The following RUNX2 variants were observed in gnomAD, a reference collection of about 807,000 sequenced individuals.
The protein encoded by RUNX2 is runt-related transcription factor 2.
In RUNX2, 10 loss-of-function variants were observed where a neutral mutation model predicts 51.7. That is an observed-to-expected ratio of 0.19 (90% CI 0.12 to 0.33). RUNX2 has a LOEUF of 0.33. Ranked by LOEUF, RUNX2 falls within the 10% of genes least tolerant of loss-of-function variation. The pLI, the probability that RUNX2 is intolerant of heterozygous loss-of-function variation, is 1.00. For missense variants in RUNX2, 562 were observed against 691.3 expected (o/e 0.81, Z 2.10); for synonymous variants, 276 against 273.6 (o/e 1.01, Z -0.09).
At chr6:45,348,897 G>A (rs976071355) in intron 2 of RUNX2, among the ~76,000 whole-genome samples, 1 of 151,974 alleles carries the variant, frequency 6.6e-6, no homozygotes, top group African/African-American at 2.4e-5. Context: ...CTATCTCATA[G>A]TATCCTGTAC....
intron 5 of RUNX2, among the ~76,000 whole-genome samples, chr6:45,453,969 T>C (rs1015567821): frequency 6.6e-6 from 1 of 152,232 alleles, no homozygotes; most frequent in Non-Finnish European, 1.5e-5. Context: ...CTGTATATTA[T>C]ATATTGGTTC....
chr6:45,480,598 G>A (rs1467653630), intron 5 of RUNX2, among the ~76,000 whole-genome samples: 4 of 152,230 alleles, frequency 2.6e-5, no homozygotes, highest in Admixed American at 6.5e-5. Flanking sequence ...CTGGTTAGAA[G>A]ACACTGACAT....
At chr6:45,502,566 T>C (rs1239815921) in intron 6 of RUNX2, among the ~76,000 whole-genome samples, 1 of 152,098 alleles carries the variant, frequency 6.6e-6, no homozygotes, top group Non-Finnish European at 1.5e-5. Context: ...CTCATCCTGA[T>C]CCAGCCTGAG....
chr6:45,394,017 A>G (rs901297803), intron 2 of RUNX2, among the ~76,000 whole-genome samples: 27 of 151,442 alleles, frequency 1.8e-4, no homozygotes, highest in African/African-American at 6.3e-4. Context: ...GGTTCAAGCA[A>G]TTCTCCTGCC....
At chr6:45,503,200 T>C (rs1476386258) in intron 6 of RUNX2, among the ~76,000 whole-genome samples, 3 of 152,190 alleles carry the variant, frequency 2.0e-5, no homozygotes, top group African/African-American at 7.2e-5. Flanking sequence ...GATTATTTGA[T>C]TAATGCCTGT....
chr6:45,544,956 A>C (rs186945127), intron 7 of RUNX2, among the ~76,000 whole-genome samples: 2 of 152,334 alleles, frequency 1.3e-5, no homozygotes, highest in Admixed American at 1.3e-4. Context: ...GGAAGAATTT[A>C]TAAAAAGCAG....
At chr6:45,453,336 G>A (rs1008452769) in intron 5 of RUNX2, among the ~76,000 whole-genome samples, 2 of 152,138 alleles carry the variant, frequency 1.3e-5, no homozygotes, top group African/African-American at 2.4e-5. Context: ...GTTGCTATAG[G>A]AAAGGTCTCT....
intron 5 of RUNX2, among the ~76,000 whole-genome samples, chr6:45,463,038 C>T (rs1799519410): frequency 6.6e-6 from 1 of 152,170 alleles, no homozygotes; most frequent in African/African-American, 2.4e-5. Flanking sequence ...CTTTACAGAC[C>T]AGCAGCCACT....
rs1582235101 is a variant in RUNX2, at chr6:45,549,287, A to G, written c.*1982A>G. The G allele has an allele frequency of 2.5e-6, 1 of 398,300 alleles. No individual in the cohort carries two copies. The highest frequency in any genetic ancestry group is 1.3e-4 in the South Asian group (1 of 7,828). 24.7% of individuals were successfully genotyped at this position (398,300 alleles called of 1,614,324 possible). Reference sequence around the variant, plus strand: ...AGCAGAGATTTGCCTTCAAACCCTAACGGCCCCCTTGTTCTCTGGTCCTTC... The same window carrying G: ...AGCAGAGATTTGCCTTCAAACCCTAGCGGCCCCCTTGTTCTCTGGTCCTTC... On this transcript the variant is annotated 3_prime_UTR_variant, in exon 9 of 9. Transcript: ENST00000647337.
intron 2 of RUNX2, among the ~76,000 whole-genome samples, chr6:45,403,343 C>T (rs1449970789): frequency 6.6e-6 from 1 of 150,618 alleles, no homozygotes; most frequent in East Asian, 2.0e-4. Context: ...AAGCAATTCT[C>T]CTGCCTCAGC....
intron 2 of RUNX2, among the ~76,000 whole-genome samples, chr6:45,378,993 GC>G (rs1797146874): frequency 6.6e-6 from 1 of 152,118 alleles, no homozygotes; most frequent in South Asian, 2.1e-4. Flanking sequence ...GTCTTTTTAA[GC>G]ATCACTGCTT....
intron 3 of RUNX2, among the ~76,000 whole-genome samples, chr6:45,426,026 T>G (rs1798372730): frequency 6.6e-6 from 1 of 152,216 alleles, no homozygotes; most frequent in South Asian, 2.1e-4. Flanking sequence ...TTCAATAGAC[T>G]GTTTTGAAAT....
At position 45,367,055 on chromosome 6, in the gene RUNX2, G is replaced by A. The variant is rs980958976; in HGVS notation, c.58+38271G>A. On this transcript the variant is annotated intron_variant, in intron 2 of 8. Transcript: ENST00000647337. ...GAAGGGCTGGGCCCCACGAAAGAAG[G>A]TTGGGGAAAAAAAGCTACTACAAAT... 2.6e-5 allele frequency among the ~76,000 whole-genome samples: 4 copies of A among 152,154 alleles called. 1 individual carries two copies. In the South Asian group the frequency reaches 8.3e-4, roughly 31 times the overall value.
intron 2 of RUNX2, among the ~76,000 whole-genome samples, chr6:45,398,112 A>G (rs1220857052): frequency 6.6e-6 from 1 of 152,184 alleles, no homozygotes; most frequent in Non-Finnish European, 1.5e-5. Flanking sequence ...AGAATATAGC[A>G]GTTAAGGGTG....
intron 2 of RUNX2, among the ~76,000 whole-genome samples, chr6:45,382,860 A>G (rs1797271157): frequency 6.6e-6 from 1 of 152,216 alleles, no homozygotes; most frequent in Non-Finnish European, 1.5e-5. Context: ...GGGTTGTTAC[A>G]GTAGAGGGCT....
intron 7 of RUNX2, among the ~76,000 whole-genome samples, chr6:45,533,288 G>T (rs1801921130): frequency 6.6e-6 from 1 of 152,238 alleles, no homozygotes; most frequent in East Asian, 1.9e-4. Flanking sequence ...CTGTTTGAAG[G>T]CTTTTGCCAA....
At chr6:45,504,764 A>G (rs1800908220) in intron 6 of RUNX2, among the ~76,000 whole-genome samples, 1 of 152,212 alleles carries the variant, frequency 6.6e-6, no homozygotes, top group Non-Finnish European at 1.5e-5. Flanking sequence ...TGTTAGGATG[A>G]TTGACCCTGG....
chr6:45,336,530 C>T (rs577836342), intron 2 of RUNX2, among the ~76,000 whole-genome samples: 1 of 151,358 alleles, frequency 6.6e-6, no homozygotes, highest in Non-Finnish European at 1.5e-5. Context: ...TCAAGATACA[C>T]TTAAATATTT....
Position 45,378,434 on chromosome 6 carries a change from C to G in RUNX2, c.59-44159C>G, listed in dbSNP as rs189322207. 1.6e-3 allele frequency among the ~76,000 whole-genome samples: 244 copies of G among 152,258 alleles called. 1 individual carries two copies. The highest frequency in any genetic ancestry group is 5.6e-3 in the African/African-American group (233 of 41,542). On this transcript the variant is annotated intron_variant, in intron 2 of 8. Transcript: ENST00000647337. ...CAATGGTGAAGGGAAACGGAGGGGT[C>G]TGAACGCTCCCCGCAGGGCCGCAGT...
Sources: allele counts gnomAD v4.1 joint callset (sites outside exome capture counted in the v4.1 genomes callset), GRCh38; gene constraint gnomAD v4.1.1; transcripts MANE v1.5; gene names NCBI Gene and HGNC (gene_info 2026-07-23, HGNC 2026-07-21).